Variants in SERPINB6 observed in about 807,000 individuals in gnomAD.
The protein encoded by SERPINB6 is serpin B6.
In SERPINB6, 16 loss-of-function variants were observed where a neutral mutation model predicts 26.1. The observed-to-expected ratio is 0.61, with a 90% CI of 0.42 to 0.93. The LOEUF (loss-of-function observed/expected upper bound fraction) is 0.93, where lower values mean the gene tolerates loss of function less well. Ranked by LOEUF, SERPINB6 falls within the 40% of genes least tolerant of loss-of-function variation. The pLI, the probability that SERPINB6 is intolerant of heterozygous loss-of-function variation, is 0.00. For synonymous variants in SERPINB6, 174 were observed against 176.6 expected, an observed-to-expected ratio of 0.99 and a Z score of 0.11; for missense variants, 420 against 478.0, an observed-to-expected ratio of 0.88 and a Z score of 1.13.
chr6:2,954,764 G>T, intron 3 of SERPINB6, 55 bp from the exon 4 acceptor site: 1 of 1,166,848 alleles, frequency 8.6e-7, no homozygotes, highest in Non-Finnish European at 1.3e-6. Context: ...GAACACCAAC[G>T]GCCTACTTCT....
chr6:2,970,184 T>G (rs1172776846), intron 1 of SERPINB6: 25 of 985,162 alleles, frequency 2.5e-5, no homozygotes, highest in Non-Finnish European at 2.8e-5. Flanking sequence ...GGTGCCCTTA[T>G]TATTACATAT....
intron 1 of SERPINB6, among the ~76,000 whole-genome samples, chr6:2,964,254 CT>C (rs1188844328): frequency 6.6e-6 from 1 of 152,146 alleles, no homozygotes; most frequent in Non-Finnish European, 1.5e-5. Context: ...AACATTCATA[CT>C]ATCTGAATTA....
In SERPINB6 at chr6:2,948,770, G is replaced by T; in HGVS notation, c.730-71C>A. The stretch of plus-strand genomic sequence containing the variant: ...CCAGCAGGGCCCTGTGCTATGCTGT[G>T]GATGCCAGACACCAGTGGCAGCGTG... On this transcript the variant is annotated intron_variant, in intron 6 of 6. Transcript: ENST00000380539. The surrounding 1 kb of genome is among the most constrained non-coding windows in gnomAD (Gnocchi z 5.0). 1 of 1,571,032 alleles carries T rather than the reference G, an allele frequency of 6.4e-7. No homozygotes were observed. The highest frequency in any genetic ancestry group is 1.1e-5 in the South Asian group (1 of 89,930).
rs1215947691 is a variant in SERPINB6, at chr6:2,954,665, C to G, written c.357G>C (p.Glu119Asp). 6 of 1,613,904 alleles carry G rather than the reference C, an allele frequency of 3.7e-6. No individual in the cohort carries two copies. The highest frequency in any genetic ancestry group is 4.2e-6 in the Non-Finnish European group (5 of 1,180,026). The change falls in exon 4 of 7, where the codon GAG becomes GAC. Residue 119 changes from glutamate (E) to aspartate (D), a missense_variant. Glu to Asp is a conservative substitution (Grantham distance 45). Transcript: ENST00000380539. The part of the protein sequence containing the change: ...SCQKFYQAEM[E>D]ELDFISAVEK... Reference sequence around the variant, plus strand: ...CTACGGCGCTGATAAAGTCAAGCTCCTCCATCTCTGCTTGGTAGAATTTTT... The same window carrying G: ...CTACGGCGCTGATAAAGTCAAGCTCGTCCATCTCTGCTTGGTAGAATTTTT...
chr6:2,955,062 C>T (rs987662032), intron 3 of SERPINB6: 16 of 293,346 alleles, frequency 5.5e-5, no homozygotes, highest in Non-Finnish European at 1.0e-4. Flanking sequence ...TGGTGGCATG[C>T]ACCTGTAATC....
At chr6:2,953,523 T>G (rs1770062743) in intron 4 of SERPINB6, among the ~76,000 whole-genome samples, 1 of 152,176 alleles carries the variant, frequency 6.6e-6, no homozygotes. Flanking sequence ...TCAGAAGATG[T>G]TCTTTACAAG....
chr6:2,958,465 G>A (rs1307914633), intron 2 of SERPINB6, among the ~76,000 whole-genome samples: 3 of 152,178 alleles, frequency 2.0e-5, no homozygotes. Context: ...GGACGTGATG[G>A]GTACTTGTTT....
rs1769423190 is a variant in SERPINB6 at position 2,948,788 on chromosome 6, G to A, written c.730-89C>T. The A allele has an allele frequency of 1.9e-6, 3 of 1,560,392 alleles. No individual in the cohort carries two copies. The highest frequency in any genetic ancestry group is 1.4e-5 in the African/African-American group (1 of 73,966). On this transcript the variant is annotated intron_variant, in intron 6 of 6. Transcript: ENST00000380539. The surrounding 1 kb of genome is among the most constrained non-coding windows in gnomAD (Gnocchi z 5.0). Reference sequence around the variant, plus strand: ...ATGCTGTGGATGCCAGACACCAGTGGCAGCGTGGCTATGGTCAGCAGCGCT... The same window carrying A: ...ATGCTGTGGATGCCAGACACCAGTGACAGCGTGGCTATGGTCAGCAGCGCT...
At chr6:2,955,395 G>A (rs573176796) in intron 3 of SERPINB6, 129 bp downstream of exon 3, 5 of 1,066,412 alleles carry the variant, frequency 4.7e-6, no homozygotes, top group East Asian at 4.8e-5. Context: ...ATATTGGCAG[G>A]TGAAAAGAAA....
intron 1 of SERPINB6, chr6:2,962,271 A>C: frequency 7.4e-6 from 7 of 943,094 alleles, no homozygotes; most frequent in Non-Finnish European, 6.3e-6. Flanking sequence ...CAGGGGATTT[A>C]ATTTGAAATA....
At chr6:2,959,445 C>A (rs1192743818) in intron 1 of SERPINB6, 103 bp from the exon 2 acceptor site, 4 of 1,082,244 alleles carry the variant, frequency 3.7e-6, no homozygotes, top group Non-Finnish European at 5.6e-6. Context: ...GTTCAGTGGG[C>A]AAGCAGAAAC....
At chr6:2,951,804 T>C (rs1241765974) in intron 5 of SERPINB6, among the ~76,000 whole-genome samples, 1 of 152,148 alleles carries the variant, frequency 6.6e-6, no homozygotes, top group Non-Finnish European at 1.5e-5. Context: ...CCACAAGACC[T>C]ATAGTTCTGG....
chr6:2,951,431 T>TCA (rs1268557418), intron 5 of SERPINB6, among the ~76,000 whole-genome samples: 1 of 151,458 alleles, frequency 6.6e-6, no homozygotes, highest in African/African-American at 2.4e-5. Flanking sequence ...TGGCTGTGTT[T>TCA]CAGTAAACCT....
At chr6:2,966,275 TATTA>T (rs1197887556) in intron 1 of SERPINB6, 1 of 797,820 alleles carries the variant, frequency 1.3e-6, no homozygotes, top group Non-Finnish European at 1.5e-6. Flanking sequence ...CATCTGAACT[TATTA>T]ATGAGCTTGG....
chr6:2,949,136 G>A (rs566568747), intron 5 of SERPINB6, 67 bp from the exon 6 acceptor site: 28 of 1,552,382 alleles, frequency 1.8e-5, no homozygotes, highest in African/African-American at 2.7e-5. Flanking sequence ...CAAATGTGTC[G>A]GAGCTGGCCA....
chr6:2,969,466 TAAA>T (rs1280746392), intron 1 of SERPINB6: 3 of 976,308 alleles, frequency 3.1e-6, no homozygotes, highest in Non-Finnish European at 3.7e-6. Context: ...ATCACAGACA[TAAA>T]AACTGGATAT....
chr6:2,949,465 C>T (rs1428906597), intron 5 of SERPINB6, among the ~76,000 whole-genome samples: 1 of 152,248 alleles, frequency 6.6e-6, no homozygotes, highest in Non-Finnish European at 1.5e-5. Flanking sequence ...TCCAAGTCGG[C>T]TCTGTCTACT....
At chr6:2,961,705 C>G (rs561479539) in intron 1 of SERPINB6, among the ~76,000 whole-genome samples, 1 of 152,154 alleles carries the variant, frequency 6.6e-6, no homozygotes, top group South Asian at 2.1e-4. Flanking sequence ...TGTCTTTGTC[C>G]CCAAGAGGGC....
rs968930117 is a variant in SERPINB6 at position 2,954,694 on chromosome 6, A to G, written c.328T>C (p.Cys110Arg). 1 of 1,613,810 alleles carries G rather than the reference A, an allele frequency of 6.2e-7. No individual in the cohort carries two copies. The highest frequency in any genetic ancestry group is 1.3e-5 in the African/African-American group (1 of 74,902). ...CDFLSSFRDS[C>R]QKFYQAEMEE... ...ATCTCTGCTTGGTAGAATTTTTGGC[A>G]GGAATCTCTAAAAGACTAGGATAGA... is the stretch of plus-strand genomic sequence containing the variant. The change falls in exon 4 of 7, where the codon TGC becomes CGC. Residue 110 changes from cysteine to arginine, a missense_variant. Transcript: ENST00000380539.
Sources: gnomAD v4.1 joint callset for allele counts (sites outside exome capture counted in the v4.1 genomes callset) on GRCh38, gnomAD v4.1.1 for gene constraint, Gnocchi (gnomAD v3.1) non-coding constraint, MANE v1.5 for transcripts, NCBI Gene and HGNC (gene_info 2026-07-23, HGNC 2026-07-21) for gene names.